FBN2: variants seen among roughly 807,000 people sequenced by gnomAD.
FBN2 encodes the protein fibrillin-2.
Under a neutral mutation model 355.6 loss-of-function variants are expected in FBN2, and 105 were observed. The observed-to-expected ratio is 0.30, with a 90% CI of 0.25 to 0.35. FBN2 has a LOEUF of 0.35. Among genes scored for constraint, FBN2 ranks in the 10% least tolerant of loss-of-function variants. The pLI, the probability that FBN2 is intolerant of heterozygous loss-of-function variation, is 1.00. For synonymous variants in FBN2, 1,350 were observed against 1,301.2 expected (o/e 1.04, Z -0.81); for missense variants, 3,280 against 3,758.7 (o/e 0.87, Z 3.33).
intron 5 of FBN2, among the ~76,000 whole-genome samples, chr5:128,494,710 G>A (rs1215200833): frequency 6.6e-6 from 1 of 152,110 alleles, no homozygotes; most frequent in Non-Finnish European, 1.5e-5. Context: ...CTGTGCCTCT[G>A]GGGGGCAGCA....
intron 15 of FBN2, among the ~76,000 whole-genome samples, chr5:128,374,006 A>G (rs936262430): frequency 6.6e-5 from 10 of 152,188 alleles, no homozygotes; most frequent in African/African-American, 1.9e-4. Flanking sequence ...TTACTTACCT[A>G]TAACTATAAT....
chr5:128,521,865 C>A (rs1182675191), intron 4 of FBN2, among the ~76,000 whole-genome samples: 1 of 152,082 alleles, frequency 6.6e-6, no homozygotes, highest in Non-Finnish European at 1.5e-5. Context: ...AAGAGCTGGC[C>A]CATTACAAAT....
intron 7 of FBN2, among the ~76,000 whole-genome samples, chr5:128,441,227 A>T (rs1753910403): frequency 6.6e-6 from 1 of 152,128 alleles, no homozygotes; most frequent in Non-Finnish European, 1.5e-5. Context: ...CAGCCTTGGT[A>T]GATTCTGGCC....
rs368116715 is a variant in FBN2 at position 128,364,665 on chromosome 5, C to T, written c.2363G>A (p.Arg788His). 48 of 1,613,004 alleles carry T rather than the reference C, an allele frequency of 3.0e-5. No individual in the cohort carries two copies. The highest frequency in any genetic ancestry group is 4.5e-5 in the East Asian group (2 of 44,820). The change falls in exon 18 of 65, where the codon CGT becomes CAT. Residue 788 changes from arginine to histidine, a missense_variant. By Grantham distance (29) the Arg-to-His change is conservative. This residue lies in a region of FBN2 where 2,284 missense variants were observed against 2,749.5 expected (regional missense o/e 0.83). Transcript: ENST00000262464. ...ICANGICENL[R>H]GSYRCNCNSG... Reference sequence around the variant, plus strand: ...GTTGCAATTACAACGGTAACTACCACGTAAGTTTTCACAAATCCCATTGGC... The same window carrying T: ...GTTGCAATTACAACGGTAACTACCATGTAAGTTTTCACAAATCCCATTGGC...
intron 64 of FBN2, among the ~76,000 whole-genome samples, chr5:128,261,528 T>G (rs867726477): frequency 6.6e-6 from 1 of 152,260 alleles, no homozygotes; most frequent in Non-Finnish European, 1.5e-5. Context: ...ACTGTGAATC[T>G]TAAAGTCTTT....
chr5:128,518,550 T>C (rs1474583991), intron 5 of FBN2, among the ~76,000 whole-genome samples: 1 of 151,990 alleles, frequency 6.6e-6, no homozygotes, highest in Non-Finnish European at 1.5e-5. Flanking sequence ...ATCAAACATA[T>C]TACCACCACC....
Position 128,292,513 on chromosome 5 carries a change from T to C in FBN2, c.6167-859A>G, listed in dbSNP as rs539971402. ...TAGCACGGTATCTGGCACACACAAG[T>C]TCTCAATTTATGTTGGTAGAAGTTT... On this transcript the variant is annotated intron_variant, in intron 48 of 64. Transcript: ENST00000262464. 5.3e-5 allele frequency among the ~76,000 whole-genome samples: 8 copies of C among 152,224 alleles called. No individual in the cohort carries two copies. The South Asian group carries it at 1.7e-3, about 32-fold the overall frequency.
In FBN2 at chr5:128,258,827, A is replaced by G. The variant is rs907928348; in HGVS notation, c.*628T>C. Reference sequence around the variant, plus strand: ...ATCTAATGACATTCATGTTTTTTAAATTATTGATTACACTGCCCATTCAGC... The same window carrying G: ...ATCTAATGACATTCATGTTTTTTAAGTTATTGATTACACTGCCCATTCAGC... On this transcript the variant is annotated 3_prime_UTR_variant, in exon 65 of 65. Coordinates refer to ENST00000262464, the MANE Select transcript of FBN2 (RefSeq NM_001999.4). 63 of 153,240 alleles carry G rather than the reference A, an allele frequency of 4.1e-4. 2 individuals are homozygous for G. 9.5% of individuals were successfully genotyped at this position (153,240 alleles called of 1,614,324 possible).
At chr5:128,276,328 G>A (rs147902439) in intron 58 of FBN2, among the ~76,000 whole-genome samples, 168 bp from the exon 59 acceptor site, 111 of 152,180 alleles carry the variant, frequency 7.3e-4, no homozygotes, top group African/African-American at 2.5e-3. Context: ...AGTAACATGC[G>A]GGTTTACTTT....
intron 16 of FBN2, among the ~76,000 whole-genome samples, chr5:128,368,443 T>TATAC (rs1554064130): frequency 3.8e-5 from 4 of 106,104 alleles, no homozygotes; most frequent in East Asian, 7.5e-4. Flanking sequence ...TACACATATA[T>TATAC]ACATATATAT....
chr5:128,467,043 C>T (rs1481040290), intron 5 of FBN2, among the ~76,000 whole-genome samples: 1 of 152,154 alleles, frequency 6.6e-6, no homozygotes, highest in Non-Finnish European at 1.5e-5. Context: ...CCCATGTTCA[C>T]ATTCTATGCA....
chr5:128,395,072 A>G, intron 9 of FBN2, 50 bp downstream of exon 9: 2 of 1,605,798 alleles, frequency 1.2e-6, no homozygotes, highest in Non-Finnish European at 1.7e-6. Context: ...TACTGCTACT[A>G]ATTTTCCTAA....
intron 7 of FBN2, among the ~76,000 whole-genome samples, chr5:128,428,003 CA>C (rs887501650): frequency 1.1e-4 from 17 of 152,148 alleles, no homozygotes; most frequent in Non-Finnish European, 1.3e-4. Context: ...TTCAGTTCTA[CA>C]AACTTTGAAA....
intron 19 of FBN2, 120 bp downstream of exon 19, chr5:128,361,603 T>C: frequency 7.8e-7 from 1 of 1,277,924 alleles, no homozygotes; most frequent in Non-Finnish European, 1.1e-6. Flanking sequence ...CTAAATGAGA[T>C]TATAAAATAA....
At chr5:128,366,145 G>T (rs1237534030) in intron 17 of FBN2, among the ~76,000 whole-genome samples, 1 of 151,830 alleles carries the variant, frequency 6.6e-6, no homozygotes, top group East Asian at 1.9e-4. Context: ...GTTTGTTAGT[G>T]ACATTTTTAA....
At chr5:128,499,747 T>G (rs1755754984) in intron 5 of FBN2, among the ~76,000 whole-genome samples, 1 of 152,210 alleles carries the variant, frequency 6.6e-6, no homozygotes, top group Admixed American at 6.5e-5. Context: ...CACAGTAATC[T>G]GTTAAATTCT....
intron 48 of FBN2, among the ~76,000 whole-genome samples, chr5:128,294,204 A>G (rs1451851259): frequency 3.3e-5 from 5 of 152,230 alleles, no homozygotes; most frequent in Admixed American, 2.0e-4. Context: ...TCCATGGTGT[A>G]TATGTGCCAC....
intron 16 of FBN2, among the ~76,000 whole-genome samples, chr5:128,368,427 T>TAC (rs1227836035): frequency 7.3e-6 from 1 of 137,612 alleles, no homozygotes; most frequent in African/African-American, 2.7e-5. Flanking sequence ...TGTGTATATA[T>TAC]ATATATACAC....
intron 7 of FBN2, among the ~76,000 whole-genome samples, chr5:128,412,435 G>T (rs1753094640): frequency 6.6e-6 from 1 of 152,148 alleles, no homozygotes; most frequent in Non-Finnish European, 1.5e-5. Flanking sequence ...CATCCCTTTT[G>T]TCCTAATTTC....
Sources: allele counts gnomAD v4.1 joint callset (sites outside exome capture counted in the v4.1 genomes callset), GRCh38; gene constraint gnomAD v4.1.1; regional missense constraint gnomAD v4.1.1; transcripts MANE v1.5; gene names NCBI Gene and HGNC (gene_info 2026-07-23, HGNC 2026-07-21).